Variants in SLC44A5 observed in about 807,000 individuals in gnomAD.
SLC44A5 encodes the protein choline transporter-like protein 5.
SLC44A5 carries 57 observed loss-of-function variants against 101.8 expected under a neutral mutation model. The observed-to-expected ratio is 0.56, with a 90% confidence interval of 0.45 to 0.70. The LOEUF (loss-of-function observed/expected upper bound fraction) is 0.70, where lower values mean the gene tolerates loss of function less well. SLC44A5 is among the 30% of genes least tolerant of loss of function. The probability of loss-of-function intolerance (pLI) is 0.00; values close to 1 mark genes in which losing one functional copy is unlikely to be tolerated. For synonymous variants in SLC44A5, 281 were observed against 290.9 expected (o/e 0.97, Z 0.35); for missense variants, 737 against 853.1 (o/e 0.86, Z 1.70).
chr1:75,328,995 G>A (rs893952887), intron 4 of SLC44A5, among the ~76,000 whole-genome samples: 2 of 152,162 alleles, frequency 1.3e-5, no homozygotes, highest in African/African-American at 4.8e-5. Context: ...GGTGTGAGGA[G>A]AAAGAGGATC....
At chr1:75,542,884 A>G (rs1336112327) in intron 1 of SLC44A5, among the ~76,000 whole-genome samples, 3 of 152,182 alleles carry the variant, frequency 2.0e-5, no homozygotes, top group Non-Finnish European at 4.4e-5. Context: ...TAACTTTTCT[A>G]TAAAGTAAAA....
chr1:75,344,552 A>G (rs989882019), intron 3 of SLC44A5, among the ~76,000 whole-genome samples: 1 of 152,134 alleles, frequency 6.6e-6, no homozygotes, highest in Admixed American at 6.6e-5. Flanking sequence ...TTCTATAGGG[A>G]AAAGGGAGGC....
the SLC44A5 span, among the ~76,000 whole-genome samples, chr1:75,677,368 T>G: frequency 6.6e-6 from 1 of 152,216 alleles, no homozygotes; most frequent in Non-Finnish European, 1.5e-5. Context: ...TCTCTTTGCT[T>G]GTTTATTAAT....
At chr1:75,338,418 T>C (rs562491164) in intron 4 of SLC44A5, among the ~76,000 whole-genome samples, 1 of 152,368 alleles carries the variant, frequency 6.6e-6, no homozygotes, top group East Asian at 1.9e-4. Context: ...TCTTTCTAAA[T>C]GTGTCAGCCT....
intron 3 of SLC44A5, among the ~76,000 whole-genome samples, chr1:75,390,002 T>C (rs763622316): frequency 1.3e-5 from 2 of 151,952 alleles, no homozygotes; most frequent in Non-Finnish European, 2.9e-5. Context: ...ACCAATCCCA[T>C]AGAAATACAA....
intron 1 of SLC44A5, 73 bp downstream of exon 1, chr1:75,610,967 C>T (rs868247246): frequency 8.6e-5 from 43 of 500,308 alleles, no homozygotes; most frequent in Admixed American, 2.6e-4. Flanking sequence ...GTATAGAATA[C>T]GTACTTATGA....
intron 1 of SLC44A5, among the ~76,000 whole-genome samples, chr1:75,549,559 T>C (rs1271856674): frequency 1.3e-5 from 2 of 152,138 alleles, no homozygotes; most frequent in Non-Finnish European, 2.9e-5. Flanking sequence ...ATGTCAAATA[T>C]TGTGCTAAGC....
At chr1:75,540,855 C>T (rs1671318112) in intron 2 of SLC44A5, among the ~76,000 whole-genome samples, 1 of 152,116 alleles carries the variant, frequency 6.6e-6, no homozygotes, top group Non-Finnish European at 1.5e-5. Flanking sequence ...ATGGATAAGA[C>T]CTAACCTATG....
At chr1:75,712,244 T>C in the SLC44A5 span, among the ~76,000 whole-genome samples, 1 of 152,230 alleles carries the variant, frequency 6.6e-6, no homozygotes, top group African/African-American at 2.4e-5. Context: ...GAATCTGAGT[T>C]TACTATCTGA....
At chr1:75,236,155 T>C (rs1369169485) in intron 11 of SLC44A5, among the ~76,000 whole-genome samples, 1 of 152,078 alleles carries the variant, frequency 6.6e-6, no homozygotes, top group Non-Finnish European at 1.5e-5. Context: ...ATGGGCACAT[T>C]ATTTGATATG....
the SLC44A5 span, among the ~76,000 whole-genome samples, chr1:75,653,643 G>A: frequency 6.6e-6 from 1 of 151,992 alleles, no homozygotes; most frequent in Admixed American, 6.5e-5. Flanking sequence ...CCACTATTTA[G>A]CATCTAAAAG....
chr1:75,502,398 C>A (rs1669008688), intron 2 of SLC44A5, among the ~76,000 whole-genome samples: 1 of 152,166 alleles, frequency 6.6e-6, no homozygotes, highest in South Asian at 2.1e-4. Flanking sequence ...TGTTTTTAGC[C>A]AGCAGCGTTT....
chr1:75,585,911 A>G (rs1433278027), intron 1 of SLC44A5, among the ~76,000 whole-genome samples: 48 of 152,134 alleles, frequency 3.2e-4, no homozygotes, highest in Non-Finnish European at 5.9e-5. Context: ...CTTTCCAACA[A>G]GTTCCCAAGT....
At chr1:75,673,543 C>G in the SLC44A5 span, among the ~76,000 whole-genome samples, 1 of 152,140 alleles carries the variant, frequency 6.6e-6, no homozygotes, top group Non-Finnish European at 1.5e-5. Context: ...CACATGCTAA[C>G]TGAAGAGCCC....
chr1:75,270,323 A>G (rs1159702274), intron 6 of SLC44A5, among the ~76,000 whole-genome samples: 2 of 152,156 alleles, frequency 1.3e-5, no homozygotes, highest in East Asian at 3.8e-4. Flanking sequence ...CATAAGAATT[A>G]AAACAATCAT....
chr1:75,610,451 C>T (rs570515716), intron 1 of SLC44A5, among the ~76,000 whole-genome samples: 3 of 152,190 alleles, frequency 2.0e-5, no homozygotes, highest in South Asian at 2.1e-4. Context: ...TGAACCTCTG[C>T]TTCAAAAAAT....
chr1:75,219,934 G>C, intron 14 of SLC44A5, 42 bp from the exon 15 acceptor site: 1 of 1,358,550 alleles, frequency 7.4e-7, no homozygotes, highest in Non-Finnish European at 1.0e-6. Context: ...GTTAAAACTA[G>C]AAATAAGCTT....
At chr1:75,637,417 A>G in the SLC44A5 span, among the ~76,000 whole-genome samples, 1 of 152,072 alleles carries the variant, frequency 6.6e-6, no homozygotes, top group Non-Finnish European at 1.5e-5. Context: ...ACCCAAAAGG[A>G]CAAAAATTGC....
intron 5 of SLC44A5, among the ~76,000 whole-genome samples, chr1:75,279,013 G>A (rs1444246990): frequency 6.6e-6 from 1 of 151,888 alleles, no homozygotes; most frequent in Non-Finnish European, 1.5e-5. Context: ...CAGGATAATT[G>A]GAATATCTAT....
Sources: gnomAD v4.1 joint callset for allele counts (sites outside exome capture counted in the v4.1 genomes callset) on GRCh38, gnomAD v4.1.1 for gene constraint, MANE v1.5 for transcripts, NCBI Gene and HGNC (gene_info 2026-07-23, HGNC 2026-07-21) for gene names.